The following NFAT5 variants were observed in gnomAD, a reference collection of about 807,000 sequenced individuals.
The protein encoded by NFAT5 is nuclear factor of activated T cells 5.
Under a neutral mutation model 166.5 loss-of-function variants are expected in NFAT5, and 31 were observed. The observed-to-expected ratio is 0.19, with a 90% CI of 0.14 to 0.25. NFAT5 has a LOEUF of 0.25. Among genes scored for constraint, NFAT5 ranks in the 10% least tolerant of loss-of-function variants. The pLI is 1.00. For synonymous variants in NFAT5, 612 were observed against 639.7 expected (o/e 0.96, Z 0.65); for missense variants, 1,449 against 1,821.8 (o/e 0.80, Z 3.72).
rs1490045658 is a variant in NFAT5, at chr16:69,703,587, CAG to C, written c.*7238_*7239del. The C allele has an allele frequency of 6.6e-6, 1 of 152,534 alleles. No homozygotes were observed. The highest frequency in any genetic ancestry group is 2.4e-5 in the African/African-American group (1 of 41,414). The allele number at this position is 152,534 out of a possible 1,614,324, so 9.4% of individuals were successfully genotyped here. A position where few individuals can be genotyped will look rare whatever the true frequency, so the allele number is the denominator to read the frequency against. On this transcript the variant is annotated 3_prime_UTR_variant, in exon 15 of 15. Transcript: ENST00000349945. ...ACTCGTGAAAGAAAAATTCACATAT[CAG>C]AATAAAAATAAATGTATACTCACTT...
At chr16:69,611,894 A>G (rs1352046706) in intron 2 of NFAT5, among the ~76,000 whole-genome samples, 2 of 152,236 alleles carry the variant, frequency 1.3e-5, no homozygotes, top group Non-Finnish European at 2.9e-5. Flanking sequence ...CCATAAAGAC[A>G]TATTTTTGTC....
intron 3 of NFAT5, among the ~76,000 whole-genome samples, chr16:69,642,676 A>G (rs900268740): frequency 6.6e-6 from 1 of 151,690 alleles, no homozygotes; most frequent in Non-Finnish European, 1.5e-5. Context: ...AATTAGCCGG[A>G]CGTGGTGGCG....
rs961356968 is a variant in NFAT5, at chr16:69,697,961, C to G, written c.*1610C>G. On this transcript the variant is annotated 3_prime_UTR_variant, in exon 15 of 15. Transcript: ENST00000349945. ...GTTCTTTTTTTTTTTTTTTTTCTAT[C>G]CTGTACATTTAGTTGAACTGTGCGG... 2 of 124,210 alleles carry G rather than the reference C, an allele frequency of 1.6e-5. No homozygotes were observed. The highest frequency in any genetic ancestry group is 6.0e-5 in the African/African-American group (2 of 33,216). The allele number at this position is 124,210 out of a possible 1,614,324, so 7.7% of individuals were successfully genotyped here.
At chr16:69,617,351 A>C (rs975030870) in intron 2 of NFAT5, among the ~76,000 whole-genome samples, 1 of 152,180 alleles carries the variant, frequency 6.6e-6, no homozygotes, top group African/African-American at 2.4e-5. Context: ...ATAACTAGAG[A>C]GTTTTGTTCC....
At position 69,700,343 on chromosome 16, in the gene NFAT5, G is replaced by A. The variant is rs2037876634; in HGVS notation, c.*3992G>A. ...CTACCTAGGAAAAATAGTATCAAAG[G>A]AAATGAGAAAGTTGTATCTGAGTCC... On this transcript the variant is annotated 3_prime_UTR_variant, in exon 15 of 15. Coordinates refer to ENST00000349945, the MANE Select transcript of NFAT5 (RefSeq NM_138713.4). The A allele has an allele frequency of 2.0e-5, 3 of 152,156 alleles. No individual in the cohort carries two copies. Among genetic ancestry groups the A allele is most frequent in the African/African-American group, 7.2e-5 (3 of 41,440 alleles). The allele number at this position is 152,156 out of a possible 1,614,324, so 9.4% of individuals were successfully genotyped here.
chr16:69,679,010 T>G (rs2036945719), intron 10 of NFAT5, among the ~76,000 whole-genome samples: 1 of 152,144 alleles, frequency 6.6e-6, no homozygotes, highest in South Asian at 2.1e-4. Context: ...CCTGGGTCAT[T>G]GCAACCTCTG....
intron 10 of NFAT5, among the ~76,000 whole-genome samples, chr16:69,682,947 C>G (rs2037130565): frequency 6.6e-6 from 1 of 151,976 alleles, no homozygotes; most frequent in Non-Finnish European, 1.5e-5. Flanking sequence ...CGTGGTGGCT[C>G]ACGCATAGAA....
At position 69,602,556 on chromosome 16, in the gene NFAT5, C is replaced by T. The variant is rs958260489; in HGVS notation, c.128-23847C>T. Among the ~76,000 whole-genome samples, 13 of 149,444 alleles carry T rather than the reference C, an allele frequency of 8.7e-5. No homozygotes were observed. In the South Asian group the frequency reaches 1.1e-3, roughly 12 times the overall value. On this transcript the variant is annotated intron_variant, in intron 2 of 14. Coordinates refer to ENST00000349945, the MANE Select transcript of NFAT5 (RefSeq NM_138713.4). ...TGCTGGGATTACAGGTATGAGCCACCGTGCCCAGACTTTTTCTTTCTTTCT... is the reference window on the plus strand; with the variant it reads ...TGCTGGGATTACAGGTATGAGCCACTGTGCCCAGACTTTTTCTTTCTTTCT...
chr16:69,570,948 A>C (rs1313071149), intron 2 of NFAT5, among the ~76,000 whole-genome samples: 1 of 152,130 alleles, frequency 6.6e-6, no homozygotes, highest in East Asian at 1.9e-4. Context: ...TTAATTTAGC[A>C]CATGCTAAGT....
chr16:69,576,659 C>T (rs1361569379), intron 2 of NFAT5, among the ~76,000 whole-genome samples: 2 of 152,086 alleles, frequency 1.3e-5, no homozygotes, highest in Non-Finnish European at 2.9e-5. Context: ...CGCTTGAACT[C>T]AGGAGTTCGA....
intron 2 of NFAT5, among the ~76,000 whole-genome samples, chr16:69,625,334 A>T (rs2034406640): frequency 6.6e-6 from 1 of 151,800 alleles, no homozygotes; most frequent in South Asian, 2.1e-4. Context: ...AATATATATA[A>T]TTTTATGGGC....
intron 2 of NFAT5, among the ~76,000 whole-genome samples, chr16:69,572,396 T>C (rs1193199147): frequency 2.0e-5 from 3 of 152,218 alleles, no homozygotes; most frequent in Admixed American, 2.0e-4. Context: ...ATTTTCTATT[T>C]TTCAATTCTA....
At chr16:69,611,443 T>C (rs939090401) in intron 2 of NFAT5, among the ~76,000 whole-genome samples, 2 of 152,216 alleles carry the variant, frequency 1.3e-5, no homozygotes, top group African/African-American at 4.8e-5. Flanking sequence ...TGGAGGAAAC[T>C]GGAGTCTCCT....
chr16:69,704,079 T>C lies in NFAT5; in HGVS notation c.*7728T>C, dbSNP rs1469007514. On this transcript the variant is annotated 3_prime_UTR_variant, in exon 15 of 15. Coordinates refer to ENST00000349945, the MANE Select transcript of NFAT5 (RefSeq NM_138713.4). The stretch of plus-strand genomic sequence containing the variant: ...AAGAGTGGGCTTGGAATCAGACTTC[T>C]GTGTCCAGTAAAAAACTCCTGCACT... 6.6e-6 allele frequency: 1 copy of C among 152,642 alleles called. No individual in the cohort carries two copies. The highest frequency in any genetic ancestry group is 2.4e-5 in the African/African-American group (1 of 41,452). The allele number at this position is 152,642 out of a possible 1,614,324, so 9.5% of individuals were successfully genotyped here. A position where few individuals can be genotyped will look rare whatever the true frequency, so the allele number is the denominator to read the frequency against.
chr16:69,660,686 G>A (rs545627952), intron 7 of NFAT5, among the ~76,000 whole-genome samples: 7 of 152,188 alleles, frequency 4.6e-5, no homozygotes, highest in Non-Finnish European at 7.4e-5. Flanking sequence ...TGATGTGTGC[G>A]TGTTTGTGTG....
At chr16:69,621,098 T>C (rs1006725828) in intron 2 of NFAT5, among the ~76,000 whole-genome samples, 5 of 152,198 alleles carry the variant, frequency 3.3e-5, no homozygotes, top group African/African-American at 1.2e-4. Context: ...AGAAGAGCCT[T>C]AAAAGACAAA....
At position 69,647,338 on chromosome 16, in the gene NFAT5, G is replaced by C; in HGVS notation, c.564G>C (p.Gln188His). ...AGGGGTGTGGATTGGAATCTGAGCA[G>C]AGCTGCAGTATGTGGATGGAGGATT... is the stretch of plus-strand genomic sequence containing the variant. Reference protein sequence around the residue: ...QDEGCGLESEQSCSMWMEDSP... With the variant: ...QDEGCGLESEHSCSMWMEDSP... Residue 188 changes from glutamine to histidine, a missense_variant, in exon 4 of 15, where the codon CAG (glutamine) becomes CAC (histidine). This residue lies in a region of NFAT5 where 115 missense variants were observed against 177.1 expected (regional missense o/e 0.65). Coordinates refer to ENST00000349945, the MANE Select transcript of NFAT5 (RefSeq NM_138713.4). The surrounding 1 kb of genome is among the most constrained non-coding windows in gnomAD (Gnocchi z 4.8). 6.2e-7 allele frequency: 1 copy of C among 1,614,210 alleles called. No homozygotes were observed. Among genetic ancestry groups the C allele is most frequent in the African/African-American group, 1.3e-5 (1 of 75,044 alleles).
chr16:69,674,808 A>C (rs897726847), intron 9 of NFAT5, among the ~76,000 whole-genome samples: 1 of 152,232 alleles, frequency 6.6e-6, no homozygotes, highest in Admixed American at 6.5e-5. Context: ...CATTGCTGGT[A>C]CACTCTGAAA....
In NFAT5 at chr16:69,693,216, C is replaced by G; in HGVS notation, c.3391C>G (p.Gln1131Glu). Residue 1131 changes from glutamine (Q) to glutamate (E), a missense_variant, in exon 13 of 15, where the codon CAG (glutamine) becomes GAG (glutamate). Physicochemically the swap from Gln to Glu is conservative, Grantham distance 29. Coordinates refer to ENST00000349945, the MANE Select transcript of NFAT5 (RefSeq NM_138713.4). ...TTCTACAACCTCCTCTGAACAAATG[C>G]AGCCTCCAATGTTTCACTCTCAAAG... is the stretch of plus-strand genomic sequence containing the variant. ...QTSTTSSEQM[Q>E]PPMFHSQSTI... is the part of the protein sequence containing the mutation. 1 of 1,614,172 alleles carries G rather than the reference C, an allele frequency of 6.2e-7. No homozygotes were observed. Among genetic ancestry groups the G allele is most frequent in the Non-Finnish European group, 8.5e-7 (1 of 1,180,032 alleles).
Sources: allele counts gnomAD v4.1 joint callset (sites outside exome capture counted in the v4.1 genomes callset), GRCh38; gene constraint gnomAD v4.1.1; regional missense constraint gnomAD v4.1.1; non-coding constraint Gnocchi (gnomAD v3.1); transcripts MANE v1.5; gene names NCBI Gene and HGNC (gene_info 2026-07-23, HGNC 2026-07-21).